KIAA1217: variants seen among roughly 807,000 people sequenced by gnomAD.
The protein encoded by KIAA1217 is KIAA1217.
KIAA1217 carries 88 observed loss-of-function variants against 163.9 expected under a neutral mutation model. That is an observed-to-expected ratio of 0.54 (90% CI 0.45 to 0.64). The LOEUF is 0.64. KIAA1217 is among the 30% of genes least tolerant of loss of function. The pLI, the probability that KIAA1217 is intolerant of heterozygous loss-of-function variation, is 0.00. For missense variants in KIAA1217, 2,372 were observed against 2,475.0 expected (o/e 0.96, Z 0.88); for synonymous variants, 903 against 923.1 (o/e 0.98, Z 0.39).
At chr10:24,540,632 G>A (rs758422453) in intron 17 of KIAA1217, among the ~76,000 whole-genome samples, 1 of 152,190 alleles carries the variant, frequency 6.6e-6, no homozygotes, top group Non-Finnish European at 1.5e-5. Flanking sequence ...CCACGTGTGT[G>A]TCTTTAGATC....
chr10:24,050,701 C>T (rs1849439035), intron 2 of KIAA1217, among the ~76,000 whole-genome samples: 1 of 152,148 alleles, frequency 6.6e-6, no homozygotes, highest in African/African-American at 2.4e-5. Flanking sequence ...GTTTTGGTTA[C>T]TGTAGCCTTG....
chr10:24,491,839 A>G (rs1480978417), intron 6 of KIAA1217, among the ~76,000 whole-genome samples: 1 of 151,992 alleles, frequency 6.6e-6, no homozygotes, highest in Non-Finnish European at 1.5e-5. Flanking sequence ...TAAGGTTGTC[A>G]TCATGCCTTC....
intron 3 of KIAA1217, among the ~76,000 whole-genome samples, chr10:24,402,534 A>C (rs201566924): frequency 2.5e-4 from 37 of 149,938 alleles, no homozygotes; most frequent in Admixed American, 6.7e-4. Flanking sequence ...AAAACAAAAA[A>C]AAAAAAAAGG....
chr10:24,138,220 C>T (rs2063909842), intron 2 of KIAA1217, among the ~76,000 whole-genome samples: 1 of 152,174 alleles, frequency 6.6e-6, no homozygotes, highest in Non-Finnish European at 1.5e-5. Flanking sequence ...ATGGTGCAGT[C>T]ATGGCTAACT....
intron 1 of KIAA1217, among the ~76,000 whole-genome samples, chr10:23,803,784 T>A (rs942475282): frequency 6.6e-6 from 1 of 152,190 alleles, no homozygotes; most frequent in Non-Finnish European, 1.5e-5. Flanking sequence ...TTGCATCTCA[T>A]TGCTGTGTGG....
intron 2 of KIAA1217, among the ~76,000 whole-genome samples, chr10:24,055,997 G>A (rs2060517413): frequency 6.6e-6 from 1 of 151,846 alleles, no homozygotes; most frequent in Admixed American, 6.6e-5. Flanking sequence ...TATAATGCCT[G>A]GTTGTTCTGG....
chr10:23,808,736 T>C (rs1288165355), intron 1 of KIAA1217, among the ~76,000 whole-genome samples: 1 of 151,136 alleles, frequency 6.6e-6, no homozygotes, highest in African/African-American at 2.4e-5. Flanking sequence ...GAAGAGAAAA[T>C]AAAAGATGAG....
intron 2 of KIAA1217, among the ~76,000 whole-genome samples, chr10:24,370,341 G>T (rs1034570777): frequency 1.3e-4 from 20 of 150,176 alleles, no homozygotes; most frequent in African/African-American, 4.9e-4. Flanking sequence ...CTCGTAAGAA[G>T]AGGAAGCAAA....
intron 1 of KIAA1217, among the ~76,000 whole-genome samples, chr10:23,979,554 T>C (rs978849762): frequency 1.3e-5 from 2 of 152,238 alleles, no homozygotes; most frequent in Admixed American, 6.5e-5. Flanking sequence ...AACCATTTTA[T>C]TATAAAATAA....
At chr10:23,724,825 C>A (rs1413974206) in intron 1 of KIAA1217, among the ~76,000 whole-genome samples, 1 of 152,136 alleles carries the variant, frequency 6.6e-6, no homozygotes, top group East Asian at 1.9e-4. Context: ...AATTAATTGT[C>A]ATTGAGTTAA....
At chr10:24,485,205 G>A (rs2065235417) in intron 6 of KIAA1217, among the ~76,000 whole-genome samples, 1 of 151,758 alleles carries the variant, frequency 6.6e-6, no homozygotes, top group East Asian at 1.9e-4. Context: ...AGGATTCTAA[G>A]TGAGGCTGGA....
intron 2 of KIAA1217, among the ~76,000 whole-genome samples, chr10:24,187,931 C>T (rs1295988864): frequency 6.6e-6 from 1 of 151,938 alleles, no homozygotes; most frequent in East Asian, 1.9e-4. Flanking sequence ...GGTGCAGTGG[C>T]TGATGCCTGT....
chr10:23,858,083 T>C (rs2131124648), intron 1 of KIAA1217, among the ~76,000 whole-genome samples: 1 of 151,994 alleles, frequency 6.6e-6, no homozygotes, highest in East Asian at 1.9e-4. Context: ...TTCTCTAGAA[T>C]ACAGCAGGAA....
intron 1 of KIAA1217, among the ~76,000 whole-genome samples, chr10:23,777,838 T>C (rs1835071765): frequency 6.6e-6 from 1 of 152,238 alleles, no homozygotes; most frequent in African/African-American, 2.4e-5. Flanking sequence ...CAATTTCTTG[T>C]CATCCTTGTA....
At chr10:23,736,830 A>G (rs555120306) in intron 1 of KIAA1217, among the ~76,000 whole-genome samples, 1 of 152,144 alleles carries the variant, frequency 6.6e-6, no homozygotes, top group African/African-American at 2.4e-5. Flanking sequence ...CCGGCCTATA[A>G]TAAGTTTTGA....
intron 2 of KIAA1217, among the ~76,000 whole-genome samples, chr10:24,082,648 A>T (rs1227308893): frequency 6.6e-6 from 1 of 152,126 alleles, no homozygotes; most frequent in East Asian, 1.9e-4. Flanking sequence ...TCTATCATTG[A>T]TGGGCATTTG....
chr10:23,748,453 GAAGGAAGC>G lies in KIAA1217; in HGVS notation c.-321+53227_-321+53234del, dbSNP rs1194371438. Among the ~76,000 whole-genome samples the G allele has an allele frequency of 1.3e-3, 180 of 139,738 alleles. 1 individual carries two copies. The highest frequency in any genetic ancestry group is 5.0e-3 in the African/African-American group (175 of 34,772). 91.7% of individuals were successfully genotyped at this position (139,738 alleles called of 152,430 possible). ...AGAAATGCTTCTGGAAGGAAGGAAG[GAAGGAAGC>G]AAGGAAGGAAGGAAGGAAGGAAGGA... On this transcript the variant is annotated intron_variant, in intron 1 of 18. Transcript: ENST00000376462.
chr10:23,759,315 A>G (rs1268192292), intron 1 of KIAA1217, among the ~76,000 whole-genome samples: 1 of 148,154 alleles, frequency 6.7e-6, no homozygotes, highest in African/African-American at 2.4e-5. Context: ...TTGGTGAAAT[A>G]ATTAGGGTTT....
chr10:24,431,021 G>A (rs111646899), intron 3 of KIAA1217, among the ~76,000 whole-genome samples: 2,439 of 152,320 alleles, frequency 0.016, 30 homozygotes, highest in Non-Finnish European at 0.025. Context: ...CTCATTTCCT[G>A]AGTTTCCCTG....
Sources: gnomAD v4.1 joint callset for allele counts (sites outside exome capture counted in the v4.1 genomes callset) on GRCh38, gnomAD v4.1.1 for gene constraint, MANE v1.5 for transcripts, NCBI Gene and HGNC (gene_info 2026-07-23, HGNC 2026-07-21) for gene names.